Variants in CEP170B observed in about 807,000 individuals in gnomAD.
The protein encoded by CEP170B is centrosomal protein 170B, also known as centrosomal protein of 170 kDa protein B.
In CEP170B, 55 loss-of-function variants were observed where a neutral mutation model predicts 120.6. The ratio of observed to expected loss-of-function variants is 0.46; its 90% CI spans 0.37 to 0.57. The LOEUF is 0.57. Ranked by LOEUF, CEP170B falls within the 20% of genes least tolerant of loss-of-function variation. CEP170B has a pLI of 0.00. For synonymous variants in CEP170B, 1,033 were observed against 954.5 expected, an observed-to-expected ratio of 1.08 and a Z score of -1.52; for missense variants, 2,212 against 2,253.3, an observed-to-expected ratio of 0.98 and a Z score of 0.37.
intron 9 of CEP170B, 142 bp downstream of exon 9, chr14:104,884,691 G>T (rs1311134806): frequency 3.1e-6 from 1 of 321,356 alleles, no homozygotes; most frequent in South Asian, 3.3e-5. Context: ...CGTGGGGAAC[G>T]GGGGGTGGAG....
intron 1 of CEP170B, among the ~76,000 whole-genome samples, chr14:104,866,009 G>A (rs1446314976): frequency 1.3e-5 from 2 of 152,196 alleles, no homozygotes; most frequent in East Asian, 3.8e-4. Flanking sequence ...CGCCCGGCTC[G>A]CTGCCCTTCC....
intron 16 of CEP170B, 51 bp downstream of exon 16, chr14:104,893,900 A>G (rs1782083151): frequency 2.6e-6 from 4 of 1,519,398 alleles, no homozygotes; most frequent in African/African-American, 2.7e-5. Context: ...GCACAGCTGC[A>G]TGAGCTGAGA....
intron 2 of CEP170B, among the ~76,000 whole-genome samples, chr14:104,869,154 C>T (rs956626581): frequency 2.0e-5 from 3 of 152,140 alleles, no homozygotes; most frequent in Non-Finnish European, 4.4e-5. Flanking sequence ...GTGGGGCTTG[C>T]GATCTGGCTG....
At position 104,872,253 on chromosome 14, in the gene CEP170B, CAT is replaced by C. The variant is rs1421626320; in HGVS notation, c.105+3699_105+3700del. Among the ~76,000 whole-genome samples the C allele has an allele frequency of 2.8e-3, 277 of 100,498 alleles. 2 individuals are homozygous for C. Among genetic ancestry groups the C allele is most frequent in the Admixed American group, 4.7e-3 (40 of 8,598 alleles). The allele number at this position is 100,498 out of a possible 152,430, so 65.9% of individuals were successfully genotyped here. A position where few individuals can be genotyped will look rare whatever the true frequency, so the allele number is the denominator to read the frequency against. Reference sequence around the variant, plus strand: ...GCCGTGCGTGTGTGCGTGTGTGTGCCATGTGTGTGCGTGTGGGTGTGCCGTGT... The same window carrying C: ...GCCGTGCGTGTGTGCGTGTGTGTGCCGTGTGTGCGTGTGGGTGTGCCGTGT... On this transcript the variant is annotated intron_variant, in intron 2 of 18. Coordinates refer to ENST00000414716, the MANE Select transcript of CEP170B (RefSeq NM_001112726.3).
chr14:104,891,091 T>C lies in CEP170B; in HGVS notation c.3878+1333T>C, dbSNP rs939617091. Among the ~76,000 whole-genome samples, 2 of 140,478 alleles carry C rather than the reference T, an allele frequency of 1.4e-5. No individual in the cohort carries two copies. The highest frequency in any genetic ancestry group is 2.7e-5 in the African/African-American group (1 of 37,430). 92.2% of individuals were successfully genotyped at this position (140,478 alleles called of 152,430 possible). A position where few individuals can be genotyped will look rare whatever the true frequency, so the allele number is the denominator to read the frequency against. ...GATGGATGGATGGATGGAGAGTGAG[T>C]GGGTGGATGGAGGGGTGGGTGGATG... is the stretch of plus-strand genomic sequence containing the variant. On this transcript the variant is annotated intron_variant, in intron 13 of 18. Transcript: ENST00000414716. This position sits in a 1 kb window ranked among gnomAD's most constrained non-coding sequence, Gnocchi z 4.3.
chr14:104,877,796 A>G, intron 3 of CEP170B, 89 bp from the exon 4 acceptor site: 1 of 507,396 alleles, frequency 2.0e-6, no homozygotes, highest in Non-Finnish European at 3.3e-6. Flanking sequence ...ACTGCCACCC[A>G]CCTGCTCAGC....
intron 6 of CEP170B, among the ~76,000 whole-genome samples, chr14:104,882,365 G>T: frequency 6.6e-6 from 1 of 152,158 alleles, no homozygotes; most frequent in East Asian, 1.9e-4. Flanking sequence ...GGGTCGGGAA[G>T]GCCGGGGCAG....
At chr14:104,885,750 G>C (rs898606330) in intron 10 of CEP170B, among the ~76,000 whole-genome samples, 1 of 152,156 alleles carries the variant, frequency 6.6e-6, no homozygotes, top group African/African-American at 2.4e-5. Flanking sequence ...TGGGCAAAAC[G>C]GGCTCTGAGG....
rs775186471 is a variant in CEP170B, at chr14:104,883,493, A to G, written c.1036A>G (p.Thr346Ala). ...HSTKSDLPVH[T>A]RTLKGHKHED... ...CACCAAGAGCGACCTGCCTGTCCAC[A>G]CCCGCACCCTGAAGGGTGAGTGCCC... The change falls in exon 8 of 19, where the codon ACC becomes GCC. Residue 346 changes from threonine to alanine, a missense_variant. This residue lies in a region of CEP170B where 2,166 missense variants were observed against 2,166.7 expected (regional missense o/e 1.00). Coordinates refer to ENST00000414716, the MANE Select transcript of CEP170B (RefSeq NM_001112726.3). 1 of 1,546,458 alleles carries G rather than the reference A, an allele frequency of 6.5e-7. No individual in the cohort carries two copies. The highest frequency in any genetic ancestry group is 1.2e-5 in the South Asian group (1 of 83,754).
rs904969215 is a variant in CEP170B, at chr14:104,884,321, C to T, written c.1542C>T (p.Ala514=). The T allele has an allele frequency of 1.9e-5, 29 of 1,543,356 alleles. No individual in the cohort carries two copies. Among genetic ancestry groups the T allele is most frequent in the Middle Eastern group, 2.0e-4 (1 of 5,086 alleles). ...AGTGTCTGCGGGAGAGCTCCCCGGC[C>T]GCCCGGCCCAGCCCCGAGAAGGTTC... ...MAQCLRESSP[A]ARPSPEKVPP... The change falls in exon 9 of 19, where the codon GCC becomes GCT. Residue 514 remains alanine (A), a synonymous_variant. Transcript: ENST00000414716.
At chr14:104,877,085 T>C (rs1895893757) in intron 3 of CEP170B, among the ~76,000 whole-genome samples, 1 of 152,082 alleles carries the variant, frequency 6.6e-6, no homozygotes, top group African/African-American at 2.4e-5. Flanking sequence ...TCTGCAGTCC[T>C]GAGCTGGGGG....
intron 1 of CEP170B, among the ~76,000 whole-genome samples, chr14:104,866,787 G>A (rs902567295): frequency 2.0e-5 from 3 of 152,120 alleles, no homozygotes; most frequent in Non-Finnish European, 2.9e-5. Flanking sequence ...TGGGCACTGG[G>A]CAAAGTAGGG....
chr14:104,887,591 C>A lies in CEP170B; in HGVS notation c.3352C>A (p.Pro1118Thr). ...ALTRSNSLST[P>T]RPTRASRLRR... is the part of the protein sequence containing the mutation. ...GACCCGCTCCAACAGCCTGTCCACC[C>A]CTCGCCCCACACGGGCCTCCCGGCT... Residue 1118 changes from proline to threonine, a missense_variant, in exon 12 of 19, where the codon CCT (proline) becomes ACT (threonine). By Grantham distance (38) the Pro-to-Thr change is conservative. Coordinates refer to ENST00000414716, the MANE Select transcript of CEP170B (RefSeq NM_001112726.3). 6.3e-7 allele frequency: 1 copy of A among 1,587,158 alleles called. No individual in the cohort carries two copies. The highest frequency in any genetic ancestry group is 2.3e-5 in the East Asian group (1 of 43,822).
At chr14:104,880,519 A>C in intron 6 of CEP170B, 94 bp downstream of exon 6, 2 of 1,521,156 alleles carry the variant, frequency 1.3e-6, no homozygotes, top group Non-Finnish European at 1.8e-6. Context: ...AACCCTCTGC[A>C]TGCATATACC....
At chr14:104,872,287 C>T (rs145516908) in intron 2 of CEP170B, among the ~76,000 whole-genome samples, 19 of 56,698 alleles carry the variant, frequency 3.4e-4, no homozygotes, top group African/African-American at 1.3e-3. Flanking sequence ...GTGTGTGTGC[C>T]GCGTGTGTGT....
chr14:104,882,111 C>T (rs890410665), intron 6 of CEP170B, among the ~76,000 whole-genome samples: 1 of 152,172 alleles, frequency 6.6e-6, no homozygotes, highest in Non-Finnish European at 1.5e-5. Flanking sequence ...CTGCTGCCAT[C>T]AGGAAGGGCT....
At chr14:104,889,844 A>C in intron 13 of CEP170B, 86 bp downstream of exon 13, 1 of 1,440,698 alleles carries the variant, frequency 6.9e-7, no homozygotes, top group Non-Finnish European at 9.5e-7. Flanking sequence ...CCAGGCTGGG[A>C]GCTCCCTTCT....
rs1186505548 is a variant in CEP170B, at chr14:104,865,583, G to A, written c.-28+70G>A. The stretch of plus-strand genomic sequence containing the variant: ...TCGCCCGCACCTGCACGGCTGTGGG[G>A]TCTCACGGGGCGCGGGGTCCCGGCC... On this transcript the variant is annotated intron_variant, in intron 1 of 18. Transcript: ENST00000414716. The surrounding 1 kb of genome is among the most constrained non-coding windows in gnomAD (Gnocchi z 6.7). The A allele has an allele frequency of 6.6e-6, 1 of 151,090 alleles. No individual in the cohort carries two copies. The highest frequency in any genetic ancestry group is 6.6e-5 in the Admixed American group (1 of 15,166). 9.4% of individuals were successfully genotyped at this position (151,090 alleles called of 1,614,324 possible).
Position 104,885,457 on chromosome 14 carries a change from A to T in CEP170B, c.1859A>T (p.Asp620Val). Reference sequence around the variant, plus strand: ...ATCAGAGGGGACAGAGATGAGTCTGATGACGGGGGCGTGGCCCAGCGGATG... The same window carrying T: ...ATCAGAGGGGACAGAGATGAGTCTGTTGACGGGGGCGTGGCCCAGCGGATG... ...PVIRGDRDESDDGGVAQRMAL... is the reference protein window; with the variant it reads ...PVIRGDRDESVDGGVAQRMAL... Residue 620 changes from aspartate to valine, a missense_variant, in exon 10 of 19, where the codon GAT (aspartate) becomes GTT (valine). Physicochemically the swap from Asp to Val is radical, Grantham distance 152. This residue lies in a region of CEP170B where 2,166 missense variants were observed against 2,166.7 expected (regional missense o/e 1.00). Coordinates refer to ENST00000414716, the MANE Select transcript of CEP170B (RefSeq NM_001112726.3). The T allele has an allele frequency of 1.3e-6, 2 of 1,563,600 alleles. No individual in the cohort carries two copies. The highest frequency in any genetic ancestry group is 2.4e-5 in the South Asian group (2 of 84,918).
Sources: allele counts gnomAD v4.1 joint callset (sites outside exome capture counted in the v4.1 genomes callset), GRCh38; gene constraint gnomAD v4.1.1; regional missense constraint gnomAD v4.1.1; non-coding constraint Gnocchi (gnomAD v3.1); transcripts MANE v1.5; gene names NCBI Gene and HGNC (gene_info 2026-07-23, HGNC 2026-07-21).